CNTN4: variants seen among roughly 807,000 people sequenced by gnomAD.
CNTN4 encodes the protein contactin-4.
In CNTN4, 77 loss-of-function variants were observed where a neutral mutation model predicts 122.5. The observed-to-expected ratio is 0.63, with a 90% confidence interval of 0.52 to 0.76. The LOEUF (loss-of-function observed/expected upper bound fraction) is 0.76, where lower values mean the gene tolerates loss of function less well. Ranked by LOEUF, CNTN4 falls within the 30% of genes least tolerant of loss-of-function variation. CNTN4 has a pLI of 0.00. For synonymous variants in CNTN4, 512 were observed against 447.0 expected (o/e 1.15, Z -1.83); for missense variants, 1,256 against 1,259.1 (o/e 1.00, Z 0.04).
At chr3:2,823,451 T>C (rs1272450940) in intron 7 of CNTN4, among the ~76,000 whole-genome samples, 1 of 152,252 alleles carries the variant, frequency 6.6e-6, no homozygotes, top group Non-Finnish European at 1.5e-5. Context: ...CCAATCACTA[T>C]GTGTGGCCTC....
intron 3 of CNTN4, among the ~76,000 whole-genome samples, chr3:2,567,715 G>C (rs2079235058): frequency 6.6e-6 from 1 of 152,150 alleles, no homozygotes; most frequent in Non-Finnish European, 1.5e-5. Flanking sequence ...TTGCACTGCT[G>C]TAACTTAAAG....
chr3:3,026,898 A>G (rs961255832), intron 15 of CNTN4, among the ~76,000 whole-genome samples: 3 of 152,164 alleles, frequency 2.0e-5, no homozygotes, highest in South Asian at 4.1e-4. Flanking sequence ...AACAATTCCT[A>G]TCAATCACAA....
chr3:2,454,750 A>G (rs973093526), intron 3 of CNTN4, among the ~76,000 whole-genome samples: 3 of 150,716 alleles, frequency 2.0e-5, no homozygotes, highest in Non-Finnish European at 4.4e-5. Flanking sequence ...CCTCTCCTCT[A>G]GGATACCTTT....
intron 3 of CNTN4, among the ~76,000 whole-genome samples, chr3:2,376,851 A>G (rs2045837593): frequency 6.6e-6 from 1 of 152,168 alleles, no homozygotes; most frequent in Non-Finnish European, 1.5e-5. Flanking sequence ...AGCTGAATTA[A>G]CACAAAAAGA....
intron 7 of CNTN4, among the ~76,000 whole-genome samples, chr3:2,835,736 C>A (rs2093211326): frequency 6.6e-6 from 1 of 152,224 alleles, no homozygotes; most frequent in Non-Finnish European, 1.5e-5. Flanking sequence ...ACAAACATAT[C>A]TACACTTGTA....
intron 2 of CNTN4, among the ~76,000 whole-genome samples, chr3:2,157,267 G>T (rs963622351): frequency 6.6e-6 from 1 of 152,202 alleles, no homozygotes; most frequent in Non-Finnish European, 1.5e-5. Context: ...ATGAGTGATG[G>T]CTTCTTAGAG....
chr3:2,160,941 G>A (rs751968201), intron 2 of CNTN4, among the ~76,000 whole-genome samples: 3 of 152,010 alleles, frequency 2.0e-5, no homozygotes, highest in Non-Finnish European at 4.4e-5. Context: ...TGGGGCTTAT[G>A]TTTGGAGTTG....
intron 2 of CNTN4, among the ~76,000 whole-genome samples, chr3:2,329,266 G>A (rs1162397475): frequency 6.6e-6 from 1 of 152,130 alleles, no homozygotes; most frequent in African/African-American, 2.4e-5. Context: ...TGAAATTGTA[G>A]TTCAGAGCTC....
intron 3 of CNTN4, among the ~76,000 whole-genome samples, chr3:2,543,141 A>G (rs764548039): frequency 2.6e-5 from 4 of 152,138 alleles, no homozygotes; most frequent in Non-Finnish European, 5.9e-5. Context: ...CAGGAAATAT[A>G]TAGCTCAATG....
intron 6 of CNTN4, among the ~76,000 whole-genome samples, chr3:2,816,341 G>C (rs986660998): frequency 1.3e-5 from 2 of 150,336 alleles, no homozygotes; most frequent in African/African-American, 5.0e-5. Flanking sequence ...GCGACAGAGC[G>C]AGACTCCATC....
intron 4 of CNTN4, among the ~76,000 whole-genome samples, chr3:2,715,419 C>CA (rs1236762338): frequency 6.6e-6 from 1 of 152,148 alleles, no homozygotes; most frequent in Non-Finnish European, 1.5e-5. Flanking sequence ...TTTAAATCAG[C>CA]AACCTCTGTT....
chr3:2,763,113 G>A (rs1299418687), intron 6 of CNTN4, among the ~76,000 whole-genome samples: 1 of 151,542 alleles, frequency 6.6e-6, no homozygotes, highest in African/African-American at 2.4e-5. Flanking sequence ...AGCTAATTTT[G>A]TTTTTGTATT....
intron 4 of CNTN4, among the ~76,000 whole-genome samples, chr3:2,704,155 G>C (rs1462002128): frequency 6.6e-6 from 1 of 151,790 alleles, no homozygotes; most frequent in Non-Finnish European, 1.5e-5. Flanking sequence ...AAATTAGCCA[G>C]GTGTGGTGGC....
At chr3:2,325,164 C>G (rs1352668210) in intron 2 of CNTN4, among the ~76,000 whole-genome samples, 3 of 152,090 alleles carry the variant, frequency 2.0e-5, no homozygotes, top group African/African-American at 4.8e-5. Context: ...CCAGAGGCTG[C>G]GTGACATTTG....
At chr3:2,541,075 C>T (rs1320729397) in intron 3 of CNTN4, among the ~76,000 whole-genome samples, 1 of 152,164 alleles carries the variant, frequency 6.6e-6, no homozygotes, top group Admixed American at 6.6e-5. Flanking sequence ...GTCTAATCTC[C>T]TATCTTTCTT....
intron 3 of CNTN4, among the ~76,000 whole-genome samples, chr3:2,549,380 A>G (rs2078385388): frequency 6.6e-6 from 1 of 152,112 alleles, no homozygotes; most frequent in Non-Finnish European, 1.5e-5. Flanking sequence ...TTCCATCAAT[A>G]CCTACTTTAT....
intron 2 of CNTN4, among the ~76,000 whole-genome samples, chr3:2,317,864 T>A (rs71309883): frequency 0.071 from 10,879 of 152,256 alleles, 452 homozygotes; most frequent in Middle Eastern, 0.085. Context: ...CTGAGAAGAC[T>A]AACGTCGTTT....
intron 3 of CNTN4, among the ~76,000 whole-genome samples, chr3:2,449,457 A>G (rs1356155192): frequency 6.6e-6 from 1 of 152,042 alleles, no homozygotes; most frequent in African/African-American, 2.4e-5. Flanking sequence ...TCTACTAAAA[A>G]TACAAAAATT....
intron 2 of CNTN4, among the ~76,000 whole-genome samples, chr3:2,173,893 G>A (rs182989888): frequency 4.9e-4 from 74 of 152,130 alleles, no homozygotes; most frequent in Admixed American, 8.5e-4. Context: ...AAACAGAATC[G>A]GAAAAATAAT....
Sources: gnomAD v4.1 joint callset for allele counts (sites outside exome capture counted in the v4.1 genomes callset) on GRCh38, gnomAD v4.1.1 for gene constraint, MANE v1.5 for transcripts, NCBI Gene and HGNC (gene_info 2026-07-23, HGNC 2026-07-21) for gene names.